SV2C: variants seen among roughly 807,000 people sequenced by gnomAD.
The protein encoded by SV2C is synaptic vesicle glycoprotein 2C.
Under a neutral mutation model 79.7 loss-of-function variants are expected in SV2C, and 49 were observed. The ratio of observed to expected loss-of-function variants is 0.61; its 90% CI spans 0.49 to 0.78. The LOEUF (loss-of-function observed/expected upper bound fraction) is 0.78, where lower values mean the gene tolerates loss of function less well. SV2C is among the 30% of genes least tolerant of loss of function. SV2C has a pLI of 0.00. For synonymous variants in SV2C, 334 were observed against 333.2 expected, an observed-to-expected ratio of 1.00 and a Z score of -0.03; for missense variants, 833 against 912.9, an observed-to-expected ratio of 0.91 and a Z score of 1.13.
At chr5:76,189,074 A>G (rs1184835987) in intron 2 of SV2C, among the ~76,000 whole-genome samples, 2 of 152,158 alleles carry the variant, frequency 1.3e-5, no homozygotes. Flanking sequence ...CCCAACATCT[A>G]GCCCAAACCA....
chr5:76,302,597 T>C (rs1237400845), intron 12 of SV2C, among the ~76,000 whole-genome samples: 2 of 119,106 alleles, frequency 1.7e-5, no homozygotes, highest in Non-Finnish European at 3.2e-5. Flanking sequence ...GCCACTGCAC[T>C]CCAGTCTGGA....
At chr5:76,323,999 C>G (rs1447677816) in intron 12 of SV2C, among the ~76,000 whole-genome samples, 1 of 151,922 alleles carries the variant, frequency 6.6e-6, no homozygotes, top group Non-Finnish European at 1.5e-5. Context: ...ACATGTATCT[C>G]GGAACTGAAA....
the SV2C span, among the ~76,000 whole-genome samples, chr5:75,881,195 A>G: frequency 6.6e-6 from 1 of 152,322 alleles, no homozygotes; most frequent in Middle Eastern, 3.4e-3. Flanking sequence ...TGTTTCAACG[A>G]GATTTGGAGT....
At chr5:76,005,725 G>A in the SV2C span, among the ~76,000 whole-genome samples, 1 of 152,210 alleles carries the variant, frequency 6.6e-6, no homozygotes, top group Admixed American at 6.6e-5. Flanking sequence ...AAAAGCATTA[G>A]CTGACAAATG....
intron 1 of SV2C, among the ~76,000 whole-genome samples, chr5:76,130,244 A>G (rs1386109817): frequency 6.7e-6 from 1 of 149,804 alleles, no homozygotes; most frequent in East Asian, 2.0e-4. Context: ...CCTTGCAATC[A>G]TATGTTTATT....
chr5:76,126,596 C>T (rs1170148001), intron 1 of SV2C, among the ~76,000 whole-genome samples: 1 of 152,110 alleles, frequency 6.6e-6, no homozygotes, highest in Admixed American at 6.5e-5. Context: ...GCAGGTAGTT[C>T]ACCATTTGTC....
chr5:75,963,034 A>T, the SV2C span, among the ~76,000 whole-genome samples: 3 of 149,426 alleles, frequency 2.0e-5, no homozygotes, highest in African/African-American at 4.9e-5. Flanking sequence ...GACTTACAAT[A>T]AAAAAAAAAT....
chr5:76,302,262 G>C (rs535956899), intron 12 of SV2C, among the ~76,000 whole-genome samples: 3 of 152,282 alleles, frequency 2.0e-5, no homozygotes, highest in South Asian at 4.2e-4. Context: ...CAACCACAAA[G>C]AGGTATCTAG....
Position 76,194,932 on chromosome 5 carries a change from C to T in SV2C, c.594C>T (p.Tyr198=), listed in dbSNP as rs1356729559. ...TGTGTGTTGCAGGCAGCATAGTGTA[C>T]CTCGGGATGATGGTGGGGGCGTTCT... The part of the protein sequence containing the change: ...SGSGWLGSIV[Y]LGMMVGAFFW... Residue 198 remains tyrosine, a synonymous_variant, in exon 3 of 13, where the codon TAC becomes TAT. Coordinates refer to ENST00000502798, the MANE Select transcript of SV2C (RefSeq NM_014979.4). The T allele has an allele frequency of 1.2e-6, 2 of 1,613,928 alleles. No homozygotes were observed. Among genetic ancestry groups the T allele is most frequent in the South Asian group, 2.2e-5 (2 of 91,042 alleles).
chr5:76,266,887 G>T (rs1436463015), intron 4 of SV2C, among the ~76,000 whole-genome samples: 2 of 152,142 alleles, frequency 1.3e-5, no homozygotes, highest in African/African-American at 2.4e-5. Flanking sequence ...AAGACACAGA[G>T]CTAGTAATGA....
At chr5:76,124,063 G>A (rs1009499378) in intron 1 of SV2C, among the ~76,000 whole-genome samples, 3 of 152,062 alleles carry the variant, frequency 2.0e-5, no homozygotes, top group Non-Finnish European at 4.4e-5. Flanking sequence ...ATGACTTCCT[G>A]GATTTTTAAA....
chr5:76,258,144 GTGTA>G (rs1401178996), intron 4 of SV2C, among the ~76,000 whole-genome samples: 1 of 151,586 alleles, frequency 6.6e-6, no homozygotes, highest in African/African-American at 2.4e-5. Flanking sequence ...GTGTGTGTGT[GTGTA>G]TGTGTGTGTA....
intron 4 of SV2C, among the ~76,000 whole-genome samples, chr5:76,212,500 C>A (rs549345101): frequency 6.6e-6 from 1 of 151,612 alleles, no homozygotes; most frequent in African/African-American, 2.4e-5. Context: ...TCTTAGCCGG[C>A]CTTCAGGCCA....
intron 1 of SV2C, among the ~76,000 whole-genome samples, chr5:76,095,147 C>A (rs2112106018): frequency 6.6e-6 from 1 of 151,868 alleles, no homozygotes; most frequent in South Asian, 2.1e-4. Context: ...GTTTCAGAGG[C>A]TTTTAAATTA....
rs1358677078 is a variant in SV2C at position 76,163,032 on chromosome 5, A to G, written c.580+30702A>G. Among the ~76,000 whole-genome samples, 5 of 152,202 alleles carry G rather than the reference A, an allele frequency of 3.3e-5. 1 individual carries two copies. Among genetic ancestry groups the G allele is most frequent in the African/African-American group, 1.2e-4 (5 of 41,440 alleles). ...CAGAATTCAGAGGAATCCAGTTTAG[A>G]GGCCTGTCTGCCTTGGACACCTCCA... On this transcript the variant is annotated intron_variant, in intron 2 of 12. Coordinates refer to ENST00000502798, the MANE Select transcript of SV2C (RefSeq NM_014979.4).
chr5:75,936,415 AT>A, the SV2C span, among the ~76,000 whole-genome samples: 1 of 152,138 alleles, frequency 6.6e-6, no homozygotes, highest in African/African-American at 2.4e-5. Context: ...TCCATTTAAT[AT>A]TTTACTTTTT....
chr5:76,076,707 G>GTTGAAA, the SV2C span, among the ~76,000 whole-genome samples: 1 of 152,190 alleles, frequency 6.6e-6, no homozygotes, highest in East Asian at 1.9e-4. Flanking sequence ...CTTGTATTCA[G>GTTGAAA]TTGAAATTTC....
the SV2C span, among the ~76,000 whole-genome samples, chr5:75,858,280 T>C: frequency 2.0e-5 from 3 of 152,342 alleles, no homozygotes; most frequent in East Asian, 5.8e-4. Flanking sequence ...ATGTTCCTTC[T>C]ATACCCATTT....
intron 2 of SV2C, among the ~76,000 whole-genome samples, chr5:76,187,476 A>G (rs1561255554): frequency 6.6e-6 from 1 of 152,194 alleles, no homozygotes; most frequent in Non-Finnish European, 1.5e-5. Flanking sequence ...AAGATATGCT[A>G]TAGACTGCAT....
Sources: allele counts gnomAD v4.1 joint callset (sites outside exome capture counted in the v4.1 genomes callset), GRCh38; gene constraint gnomAD v4.1.1; transcripts MANE v1.5; gene names NCBI Gene and HGNC (gene_info 2026-07-23, HGNC 2026-07-21).